The following RSU1 variants were observed in gnomAD, a reference collection of about 807,000 sequenced individuals.
The protein encoded by RSU1 is rsu-1.
Under a neutral mutation model 31.1 loss-of-function variants are expected in RSU1, and 26 were observed. The ratio of observed to expected loss-of-function variants is 0.84; its 90% CI spans 0.61 to 1.16. The LOEUF (loss-of-function observed/expected upper bound fraction) is 1.16, where lower values mean the gene tolerates loss of function less well. RSU1 is among the 50% of genes most tolerant of loss of function. The pLI, the probability that RSU1 is intolerant of heterozygous loss-of-function variation, is 0.00. For synonymous variants in RSU1, 164 were observed against 136.3 expected, an observed-to-expected ratio of 1.20 and a Z score of -1.41; for missense variants, 320 against 339.1, an observed-to-expected ratio of 0.94 and a Z score of 0.44.
chr10:16,620,701 T>C (rs1443707838), intron 8 of RSU1, among the ~76,000 whole-genome samples: 1 of 151,820 alleles, frequency 6.6e-6, no homozygotes, highest in Admixed American at 6.6e-5. Flanking sequence ...AAAAATTAGC[T>C]GGGTGTGGTG....
chr10:16,767,670 T>C (rs1370738789), intron 3 of RSU1, among the ~76,000 whole-genome samples: 2 of 152,144 alleles, frequency 1.3e-5, no homozygotes, highest in African/African-American at 2.4e-5. Context: ...CTGGATGGGA[T>C]GGTATTCACT....
At chr10:16,654,876 T>G (rs946054134) in intron 8 of RSU1, among the ~76,000 whole-genome samples, 2 of 151,334 alleles carry the variant, frequency 1.3e-5, no homozygotes, top group Non-Finnish European at 2.9e-5. Flanking sequence ...CTGGGCAACA[T>G]AGTGAGACCT....
rs542994886 is a variant in RSU1 at position 16,637,250 on chromosome 10, A to C, written c.732-43754T>G. Among the ~76,000 whole-genome samples, 4 of 152,304 alleles carry C rather than the reference A, an allele frequency of 2.6e-5. No homozygotes were observed. In the South Asian group the frequency reaches 8.3e-4, roughly 32 times the overall value. On this transcript the variant is annotated intron_variant, in intron 8 of 8. Coordinates refer to ENST00000345264, the MANE Select transcript of RSU1 (RefSeq NM_012425.4). The stretch of plus-strand genomic sequence containing the variant: ...TTTATGATATCCACAGTTATCTGTT[A>C]ATTCAGTAAACATTCATGAACATGC...
At chr10:16,704,172 T>G (rs982070203) in intron 7 of RSU1, among the ~76,000 whole-genome samples, 1 of 152,174 alleles carries the variant, frequency 6.6e-6, no homozygotes, top group South Asian at 2.1e-4. Context: ...AAATCTGAAT[T>G]TTTAGATACT....
At chr10:16,753,755 T>C (rs1385633581) in intron 5 of RSU1, among the ~76,000 whole-genome samples, 1 of 152,184 alleles carries the variant, frequency 6.6e-6, no homozygotes, top group Non-Finnish European at 1.5e-5. Flanking sequence ...TATAATTAGA[T>C]ACATGTTTTG....
At chr10:16,620,801 C>T (rs926789826) in intron 8 of RSU1, among the ~76,000 whole-genome samples, 4 of 151,014 alleles carry the variant, frequency 2.6e-5, no homozygotes, top group Admixed American at 1.3e-4. Flanking sequence ...GCTGAGATCG[C>T]GCCACTGCAC....
chr10:16,675,926 G>A (rs1692940960), intron 8 of RSU1, among the ~76,000 whole-genome samples: 1 of 152,154 alleles, frequency 6.6e-6, no homozygotes, highest in Non-Finnish European at 1.5e-5. Flanking sequence ...ATGGGCAACA[G>A]AATTAGAGCC....
intron 8 of RSU1, among the ~76,000 whole-genome samples, chr10:16,604,829 C>A (rs1281460857): frequency 1.3e-5 from 2 of 152,188 alleles, no homozygotes; most frequent in Non-Finnish European, 2.9e-5. Context: ...GGTTTACACA[C>A]AAGCACGGGG....
chr10:16,766,905 G>A (rs1475773821), intron 3 of RSU1, among the ~76,000 whole-genome samples: 9 of 146,564 alleles, frequency 6.1e-5, no homozygotes, highest in Non-Finnish European at 1.3e-4. Context: ...CATGCCTGTA[G>A]TTCCAGCTAC....
At chr10:16,670,293 A>T (rs1835082518) in intron 8 of RSU1, among the ~76,000 whole-genome samples, 1 of 152,238 alleles carries the variant, frequency 6.6e-6, no homozygotes, top group Admixed American at 6.5e-5. Flanking sequence ...AGCTTGCTAC[A>T]TAATCGTACA....
intron 7 of RSU1, among the ~76,000 whole-genome samples, chr10:16,721,992 T>C (rs1020123967): frequency 6.6e-6 from 1 of 152,236 alleles, no homozygotes; most frequent in Non-Finnish European, 1.5e-5. Flanking sequence ...ACTGCCACTG[T>C]ACTATCATAG....
chr10:16,774,042 G>GTCTAT (rs1343584200), intron 3 of RSU1, among the ~76,000 whole-genome samples: 1 of 151,690 alleles, frequency 6.6e-6, no homozygotes, highest in Non-Finnish European at 1.5e-5. Flanking sequence ...AGTGGTTTTG[G>GTCTAT]TCTATGAGGC....
chr10:16,618,490 G>A (rs1424495195), intron 8 of RSU1, among the ~76,000 whole-genome samples: 1 of 152,142 alleles, frequency 6.6e-6, no homozygotes, highest in Non-Finnish European at 1.5e-5. Flanking sequence ...ATACCCAAAG[G>A]ATTATAAATC....
At position 16,752,487 on chromosome 10, in the gene RSU1, A is replaced by AT. The variant is rs1564344241; in HGVS notation, c.598+51dup. 3 of 1,336,284 alleles carry AT rather than the reference A, an allele frequency of 2.2e-6. No individual in the cohort carries two copies. The Admixed American group carries it at 5.1e-5, about 23-fold the overall frequency. 82.8% of individuals were successfully genotyped at this position (1,336,284 alleles called of 1,614,324 possible). A position where few individuals can be genotyped will look rare whatever the true frequency, so the allele number is the denominator to read the frequency against. ...GGTTGTTCAGAATTGCTACATTAGG[A>AT]TAATTGTTATTCATGAAACCCAGAA... On this transcript the variant is annotated intron_variant, in intron 7 of 8. Coordinates refer to ENST00000345264, the MANE Select transcript of RSU1 (RefSeq NM_012425.4).
chr10:16,757,066 G>A (rs1313746181), intron 4 of RSU1, among the ~76,000 whole-genome samples: 1 of 142,102 alleles, frequency 7.0e-6, no homozygotes. Flanking sequence ...GTTTGTACAC[G>A]GTATGTGTGT....
chr10:16,700,789 G>A (rs960613609), intron 7 of RSU1, among the ~76,000 whole-genome samples: 12 of 152,154 alleles, frequency 7.9e-5, no homozygotes, highest in Admixed American at 4.6e-4. Flanking sequence ...TCATTACCAG[G>A]TGATAAGCAG....
chr10:16,666,866 G>A (rs375621362), intron 8 of RSU1, among the ~76,000 whole-genome samples: 3 of 152,178 alleles, frequency 2.0e-5, no homozygotes, highest in African/African-American at 7.2e-5. Context: ...ACGCATGCCT[G>A]TAATCCCAGC....
intron 8 of RSU1, among the ~76,000 whole-genome samples, chr10:16,598,994 T>C (rs2131455236): frequency 6.6e-6 from 1 of 152,284 alleles, no homozygotes; most frequent in East Asian, 1.9e-4. Flanking sequence ...AAAATGGGTG[T>C]TGTTTCTACG....
chr10:16,609,013 T>C lies in RSU1; in HGVS notation c.732-15517A>G, dbSNP rs148640924. 1.8e-4 allele frequency among the ~76,000 whole-genome samples: 28 copies of C among 152,118 alleles called. No homozygotes were observed. In the East Asian group the frequency reaches 5.4e-3, roughly 29 times the overall value. ...ATGTCTGGCTGATTTTTAAATATTT[T>C]GTAGAGATAGGGCCTTGCTATATTG... On this transcript the variant is annotated intron_variant, in intron 8 of 8. Transcript: ENST00000345264.
Sources: allele counts gnomAD v4.1 joint callset (sites outside exome capture counted in the v4.1 genomes callset), GRCh38; gene constraint gnomAD v4.1.1; transcripts MANE v1.5; gene names NCBI Gene and HGNC (gene_info 2026-07-23, HGNC 2026-07-21).